TXNRD1: variants seen among roughly 807,000 people sequenced by gnomAD.
TXNRD1 encodes thioredoxin reductase 1, cytoplasmic.
TXNRD1 carries 57 observed loss-of-function variants against 80.3 expected under a neutral mutation model. That is an observed-to-expected ratio of 0.71 (90% CI 0.57 to 0.89). The LOEUF is 0.89. Ranked by LOEUF, TXNRD1 falls within the 40% of genes least tolerant of loss-of-function variation. TXNRD1 has a pLI of 0.00. For synonymous variants in TXNRD1, 291 were observed against 285.2 expected (o/e 1.02, Z -0.20); for missense variants, 730 against 803.0 (o/e 0.91, Z 1.10).
At chr12:104,235,522 G>T (rs898311950) in intron 1 of TXNRD1, among the ~76,000 whole-genome samples, 1 of 152,134 alleles carries the variant, frequency 6.6e-6, no homozygotes. Context: ...AGGGTAAAAA[G>T]GTTTACCAGT....
chr12:104,343,993 C>T (rs892390643), intron 16 of TXNRD1, among the ~76,000 whole-genome samples: 4 of 150,882 alleles, frequency 2.7e-5, no homozygotes, highest in South Asian at 4.2e-4. Flanking sequence ...GTCCCAGCTA[C>T]TCAGGAGGCT....
At chr12:104,324,181 T>C (rs1373679222) in intron 10 of TXNRD1, among the ~76,000 whole-genome samples, 19 of 152,126 alleles carry the variant, frequency 1.2e-4, no homozygotes. Flanking sequence ...CCAATTAAGC[T>C]CTTTTCCAAG....
At chr12:104,248,353 T>A (rs2033037118) in intron 1 of TXNRD1, among the ~76,000 whole-genome samples, 1 of 152,164 alleles carries the variant, frequency 6.6e-6, no homozygotes, top group African/African-American at 2.4e-5. Context: ...GGTGCGATCT[T>A]GGCTCACTGC....
At chr12:104,319,290 A>G (rs1434931574) in intron 8 of TXNRD1, among the ~76,000 whole-genome samples, 180 bp from the exon 9 acceptor site, 3 of 152,178 alleles carry the variant, frequency 2.0e-5, no homozygotes, top group African/African-American at 7.2e-5. Context: ...GCACTTACTA[A>G]CATTGTGACT....
intron 1 of TXNRD1, among the ~76,000 whole-genome samples, chr12:104,231,986 T>C (rs533352958): frequency 1.3e-5 from 2 of 152,370 alleles, no homozygotes; most frequent in African/African-American, 4.8e-5. Context: ...CCAGTCCTTA[T>C]TTTTGGTAAA....
intron 4 of TXNRD1, among the ~76,000 whole-genome samples, chr12:104,290,718 TAC>T (rs1555212073): frequency 5.6e-5 from 4 of 71,226 alleles, no homozygotes; most frequent in Non-Finnish European, 7.8e-5. Context: ...AAAAGAAATA[TAC>T]ATATATATAT....
chr12:104,286,586 GT>G (rs78816548), intron 3 of TXNRD1: 26,922 of 305,602 alleles, frequency 0.088, 43 homozygotes, highest in Non-Finnish European at 0.11. Flanking sequence ...CACCTTTGGA[GT>G]TTTTTTTTTT....
At chr12:104,326,237 A>C (rs941572685) in intron 11 of TXNRD1, 110 bp from the exon 12 acceptor site, 6 of 721,322 alleles carry the variant, frequency 8.3e-6, no homozygotes, top group Non-Finnish European at 1.4e-5. Flanking sequence ...ATTTATTTCC[A>C]AGTTTGAAAA....
intron 10 of TXNRD1, 50 bp from the exon 11 acceptor site, chr12:104,325,287 C>T: frequency 6.9e-7 from 1 of 1,448,142 alleles, no homozygotes; most frequent in Non-Finnish European, 9.6e-7. Context: ...GTAGAGAATC[C>T]AACTTGATAA....
chr12:104,304,938 G>C, intron 4 of TXNRD1: 1 of 1,579,270 alleles, frequency 6.3e-7, no homozygotes, highest in Non-Finnish European at 8.6e-7. Flanking sequence ...TCATACTAAA[G>C]ATTTCTTAGT....
At chr12:104,249,228 C>T (rs2033059431) in intron 1 of TXNRD1, among the ~76,000 whole-genome samples, 1 of 152,196 alleles carries the variant, frequency 6.6e-6, no homozygotes, top group South Asian at 2.1e-4. Context: ...TGTGTCCTCA[C>T]ATGGTGGAAG....
chr12:104,316,342 C>T (rs937445215), intron 7 of TXNRD1, among the ~76,000 whole-genome samples: 2 of 151,736 alleles, frequency 1.3e-5, no homozygotes, highest in South Asian at 2.1e-4. Context: ...TTAGAGTACC[C>T]TAGAAACCCT....
chr12:104,317,132 G>A (rs7962423), intron 7 of TXNRD1, among the ~76,000 whole-genome samples: 137,998 of 152,226 alleles, frequency 0.91, 62,807 homozygotes, highest in African/African-American at 0.98. Context: ...GAGGGATATA[G>A]GAGGAAATTT....
At chr12:104,339,504 A>G (rs1242921970) in intron 16 of TXNRD1, 3 of 680,212 alleles carry the variant, frequency 4.4e-6, no homozygotes, top group East Asian at 2.8e-5. Context: ...TGATTTATAG[A>G]GCTGTGCCTT....
intron 4 of TXNRD1, among the ~76,000 whole-genome samples, chr12:104,292,827 T>C (rs569518177): frequency 1.3e-5 from 2 of 152,314 alleles, no homozygotes; most frequent in South Asian, 4.1e-4. Context: ...ATAATTAGAA[T>C]TGCGGAAAAC....
chr12:104,304,313 G>T (rs575337548), intron 4 of TXNRD1: 12 of 1,613,878 alleles, frequency 7.4e-6, no homozygotes, highest in African/African-American at 2.7e-5. Flanking sequence ...GTTTCTGTTC[G>T]TGGGTCTGAA....
rs72309668 is a variant in TXNRD1, at chr12:104,315,997, AGTT to A, written c.730+105_730+107del. 2.5e-3 allele frequency: 3,345 copies of A among 1,323,182 alleles called. 69 individuals carry two copies. In the African/African-American group the frequency reaches 0.043, roughly 17 times the overall value. 82.0% of individuals were successfully genotyped at this position (1,323,182 alleles called of 1,614,324 possible). A position where few individuals can be genotyped will look rare whatever the true frequency, so the allele number is the denominator to read the frequency against. On this transcript the variant is annotated intron_variant, in intron 7 of 16. Transcript: ENST00000525566. ...TTTTCATGAAGATAGCAAATAGCCT[AGTT>A]GTTTTTATTGTTTACATTTTTGATG...
chr12:104,304,171 C>T (rs1187884832), intron 4 of TXNRD1: 2 of 1,613,956 alleles, frequency 1.2e-6, no homozygotes, highest in African/African-American at 2.7e-5. Context: ...TCTTTGATGG[C>T]GTGAGCCGAA....
chr12:104,256,800 AAAAG>A (rs2033261702), intron 2 of TXNRD1, among the ~76,000 whole-genome samples: 5 of 150,858 alleles, frequency 3.3e-5, no homozygotes, highest in Admixed American at 6.6e-5. Flanking sequence ...AAGAAAAAGA[AAAAG>A]AAAGAAAAAG....
Sources: allele counts gnomAD v4.1 joint callset (sites outside exome capture counted in the v4.1 genomes callset), GRCh38; gene constraint gnomAD v4.1.1; transcripts MANE v1.5; gene names NCBI Gene and HGNC (gene_info 2026-07-23, HGNC 2026-07-21).